Variants in RAD51AP1 observed in about 807,000 individuals in gnomAD.
The protein encoded by RAD51AP1 is RAD51-associated protein 1.
In RAD51AP1, 14 loss-of-function variants were observed where a neutral mutation model predicts 34.3. The observed-to-expected ratio is 0.41, with a 90% CI of 0.27 to 0.64. The LOEUF is 0.64. Ranked by LOEUF, RAD51AP1 falls within the 30% of genes least tolerant of loss-of-function variation. The pLI is 0.33. For missense variants in RAD51AP1, 348 were observed against 386.9 expected, an observed-to-expected ratio of 0.90 and a Z score of 0.84; for synonymous variants, 114 against 129.8, an observed-to-expected ratio of 0.88 and a Z score of 0.83.
intron 4 of RAD51AP1, among the ~76,000 whole-genome samples, 192 bp from the exon 5 acceptor site, chr12:4,547,900 T>A (rs1944517606): frequency 6.6e-6 from 1 of 152,220 alleles, no homozygotes; most frequent in Non-Finnish European, 1.5e-5. Flanking sequence ...AGAGCCTGAA[T>A]TTAAACATGT....
chr12:4,543,705 A>AT, intron 2 of RAD51AP1, 58 bp from the exon 3 acceptor site: 1 of 1,301,300 alleles, frequency 7.7e-7, no homozygotes, highest in Non-Finnish European at 1.0e-6. Context: ...CATGGTAATG[A>AT]TTTTCATTTA....
At chr12:4,543,973 A>G in intron 3 of RAD51AP1, 69 bp downstream of exon 3, 1 of 1,302,774 alleles carries the variant, frequency 7.7e-7, no homozygotes, top group Non-Finnish European at 1.0e-6. Context: ...ACAGATTCGA[A>G]CCCTTGATTT....
At chr12:4,556,190 A>G (rs1310033578) in intron 7 of RAD51AP1, among the ~76,000 whole-genome samples, 163 bp from the exon 8 acceptor site, 1 of 152,214 alleles carries the variant, frequency 6.6e-6, no homozygotes, top group African/African-American at 2.4e-5. Context: ...TGGCATATTA[A>G]TGCTCATAAA....
At chr12:4,557,569 G>A (rs960731198) in intron 8 of RAD51AP1, among the ~76,000 whole-genome samples, 33 of 152,178 alleles carry the variant, frequency 2.2e-4, no homozygotes, top group African/African-American at 8.0e-4. Context: ...GTAATACTTA[G>A]TATATTTCTA....
Position 4,548,097 on chromosome 12 carries a change from G to A in RAD51AP1, c.325G>A (p.Glu109Lys). 5 of 1,596,518 alleles carry A rather than the reference G, an allele frequency of 3.1e-6. No individual in the cohort carries two copies. The highest frequency in any genetic ancestry group is 3.4e-6 in the Non-Finnish European group (4 of 1,175,612). ...NVQNSQDKSI[E>K]KHGSSKIETM... ...TTCTTATTCCTTATATTTAGGCATT[G>A]AAAAACATGGCAGTAGTAAAATAGA... Residue 109 changes from glutamate to lysine, a missense_variant, in exon 5 of 9, where the codon GAA becomes AAA. Physicochemically the swap from Glu to Lys is moderately conservative, Grantham distance 56. Coordinates refer to ENST00000352618, the MANE Select transcript of RAD51AP1 (RefSeq NM_006479.5).
rs559787393 is a variant in RAD51AP1 at position 4,541,767 on chromosome 12, T to C, written c.18-117T>C. 4.1e-4 allele frequency: 128 copies of C among 313,004 alleles called. 1 individual carries two copies. Among genetic ancestry groups the C allele is most frequent in the African/African-American group, 2.7e-3 (122 of 45,272 alleles). 19.4% of individuals were successfully genotyped at this position (313,004 alleles called of 1,614,324 possible). A position where few individuals can be genotyped will look rare whatever the true frequency, so the allele number is the denominator to read the frequency against. ...CATTTTTATTTATTTCGTTTATTCATTATTTATTAATAAATGAATAATATT... is the reference window on the plus strand; with the variant it reads ...CATTTTTATTTATTTCGTTTATTCACTATTTATTAATAAATGAATAATATT... On this transcript the variant is annotated intron_variant, in intron 1 of 8. Coordinates refer to ENST00000352618, the MANE Select transcript of RAD51AP1 (RefSeq NM_006479.5).
chr12:4,548,960 G>C (rs1461478310), intron 6 of RAD51AP1, 124 bp downstream of exon 6: 1 of 994,168 alleles, frequency 1.0e-6, no homozygotes, highest in African/African-American at 1.6e-5. Context: ...GGGACACACA[G>C]AACAGTTCAA....
At chr12:4,558,644 T>C (rs1487531754) in intron 8 of RAD51AP1, among the ~76,000 whole-genome samples, 1 of 152,208 alleles carries the variant, frequency 6.6e-6, no homozygotes, top group East Asian at 1.9e-4. Flanking sequence ...TTTAGTGTCA[T>C]TACCTTGGCT....
Position 4,547,067 on chromosome 12 carries a change from C to CTTAT in RAD51AP1, c.319+664_319+667dup, listed in dbSNP as rs71445629. Among the ~76,000 whole-genome samples, 285 of 151,892 alleles carry CTTAT rather than the reference C, an allele frequency of 1.9e-3. 1 individual carries two copies. Among genetic ancestry groups the CTTAT allele is most frequent in the South Asian group, 3.9e-3 (19 of 4,822 alleles). On this transcript the variant is annotated intron_variant, in intron 4 of 8. Coordinates refer to ENST00000352618, the MANE Select transcript of RAD51AP1 (RefSeq NM_006479.5). ...TTGTTTCTTAAATCAGTACTGCCTC[C>CTTAT]TTATTTATTTATTTATTTGAGACAG...
Position 4,559,856 on chromosome 12 carries a change from A to C in RAD51AP1, c.*863A>C, listed in dbSNP as rs1381366683. The C allele has an allele frequency of 6.6e-6, 1 of 152,200 alleles. No individual in the cohort carries two copies. Among genetic ancestry groups the C allele is most frequent in the East Asian group, 1.9e-4 (1 of 5,204 alleles). The allele number at this position is 152,200 out of a possible 1,614,324, so 9.4% of individuals were successfully genotyped here. Reference sequence around the variant, plus strand: ...TAGATCTGAATTTACTTTGAAAAACAATTGTAATGAATATTTTATATTTAC... The same window carrying C: ...TAGATCTGAATTTACTTTGAAAAACCATTGTAATGAATATTTTATATTTAC... On this transcript the variant is annotated 3_prime_UTR_variant, in exon 9 of 9. Transcript: ENST00000352618.
Position 4,556,426 on chromosome 12 carries a change from T to C in RAD51AP1, c.795T>C (p.Ser265=). The part of the protein sequence containing the change: ...SQSLPKKVSL[S]SDTTRKPLEI... ...CCTTGCCAAAAAAGGTTTCTCTGTC[T>C]TCAGATACCACTAGGAAACCATTAG... The change falls in exon 8 of 9, where the codon TCT becomes TCC. Residue 265 remains serine (S), a synonymous_variant. Coordinates refer to ENST00000352618, the MANE Select transcript of RAD51AP1 (RefSeq NM_006479.5). 6.2e-7 allele frequency: 1 copy of C among 1,613,792 alleles called. No homozygotes were observed. Among genetic ancestry groups the C allele is most frequent in the East Asian group, 2.2e-5 (1 of 44,874 alleles).
intron 7 of RAD51AP1, among the ~76,000 whole-genome samples, chr12:4,556,085 C>G (rs1944580032): frequency 6.6e-6 from 1 of 152,170 alleles, no homozygotes; most frequent in Non-Finnish European, 1.5e-5. Context: ...CTTAACGTCT[C>G]TGTTTCCTTC....
rs1010241501 is a variant in RAD51AP1 at position 4,559,264 on chromosome 12, C to T, written c.*271C>T. 3.5e-6 allele frequency: 1 copy of T among 287,724 alleles called. No individual in the cohort carries two copies. Among genetic ancestry groups the T allele is most frequent in the African/African-American group, 2.2e-5 (1 of 45,560 alleles). 17.8% of individuals were successfully genotyped at this position (287,724 alleles called of 1,614,324 possible). A position where few individuals can be genotyped will look rare whatever the true frequency, so the allele number is the denominator to read the frequency against. On this transcript the variant is annotated 3_prime_UTR_variant, in exon 9 of 9. Transcript: ENST00000352618. ...TATCAGTTCGACATGAAGTCCACAT[C>T]ACATGCTGTTCTTTTCTAGTTACAT...
intron 7 of RAD51AP1, among the ~76,000 whole-genome samples, chr12:4,555,332 GC>G (rs992273149): frequency 5.3e-5 from 8 of 152,030 alleles, no homozygotes; most frequent in African/African-American, 1.9e-4. Context: ...ACCTATTTTT[GC>G]CAAAACATAT....
At position 4,551,494 on chromosome 12, in the gene RAD51AP1, C is replaced by CA. The variant is rs1180432401; in HGVS notation, c.557-1472dup. 4.2e-3 allele frequency among the ~76,000 whole-genome samples: 336 copies of CA among 79,180 alleles called. 7 individuals are homozygous for CA. Among genetic ancestry groups the CA allele is most frequent in the East Asian group, 0.033 (72 of 2,192 alleles). The allele number at this position is 79,180 out of a possible 152,430, so 51.9% of individuals were successfully genotyped here. ...TGGGCGACAGAGTGAGGCTCCATCT[C>CA]AAAAAAAAAAAAAAAAAGCAAGATT... is the stretch of plus-strand genomic sequence containing the variant. On this transcript the variant is annotated intron_variant, in intron 6 of 8. Coordinates refer to ENST00000352618, the MANE Select transcript of RAD51AP1 (RefSeq NM_006479.5).
intron 1 of RAD51AP1, among the ~76,000 whole-genome samples, chr12:4,540,332 A>G (rs1390299715): frequency 6.6e-6 from 1 of 152,172 alleles, no homozygotes; most frequent in Non-Finnish European, 1.5e-5. Context: ...TTGTTAAAGT[A>G]TGGTCTACAG....
At position 4,559,200 on chromosome 12, in the gene RAD51AP1, TCTC is replaced by T. The variant is rs1299648040; in HGVS notation, c.*208_*210del. On this transcript the variant is annotated 3_prime_UTR_variant, in exon 9 of 9. Transcript: ENST00000352618. Reference sequence around the variant, plus strand: ...AGAAGTTTGTTTATAAGAATTATCTTCTCATACCTTTCCTTGTGAAGAGCGTAT... The same window carrying T: ...AGAAGTTTGTTTATAAGAATTATCTTATACCTTTCCTTGTGAAGAGCGTAT... 1 of 521,852 alleles carries T rather than the reference TCTC, an allele frequency of 1.9e-6. No homozygotes were observed. The highest frequency in any genetic ancestry group is 2.0e-5 in the African/African-American group (1 of 51,084). 32.3% of individuals were successfully genotyped at this position (521,852 alleles called of 1,614,324 possible).
intron 4 of RAD51AP1, among the ~76,000 whole-genome samples, chr12:4,547,671 A>C (rs1429238129): frequency 6.6e-6 from 1 of 152,184 alleles, no homozygotes; most frequent in Admixed American, 6.5e-5. Context: ...AGAGTTCTTA[A>C]CGTTAGTAAA....
At chr12:4,542,732 A>G (rs1377002996) in intron 2 of RAD51AP1, among the ~76,000 whole-genome samples, 2 of 152,212 alleles carry the variant, frequency 1.3e-5, no homozygotes, top group Non-Finnish European at 2.9e-5. Flanking sequence ...TGAAGACTGC[A>G]TAGACCCTGA....
Sources: allele counts gnomAD v4.1 joint callset (sites outside exome capture counted in the v4.1 genomes callset), GRCh38; gene constraint gnomAD v4.1.1; transcripts MANE v1.5; gene names NCBI Gene and HGNC (gene_info 2026-07-23, HGNC 2026-07-21).